Variants in DPCD observed in about 807,000 individuals in gnomAD.
The protein encoded by DPCD is deleted in primary ciliary dyskinesia homolog (mouse), also known as protein DPCD.
A neutral mutation model predicts 26.4 loss-of-function variants in DPCD; 20 were observed. The ratio of observed to expected loss-of-function variants is 0.76; its 90% CI spans 0.53 to 1.10. The LOEUF (loss-of-function observed/expected upper bound fraction) is 1.10, where lower values mean the gene tolerates loss of function less well. Among genes scored for constraint, DPCD ranks in the 50% least tolerant of loss-of-function variants. The probability of loss-of-function intolerance (pLI) is 0.00; values close to 1 mark genes in which losing one functional copy is unlikely to be tolerated. For synonymous variants in DPCD, 97 were observed against 94.2 expected, an observed-to-expected ratio of 1.03 and a Z score of -0.17; for missense variants, 202 against 253.9, an observed-to-expected ratio of 0.80 and a Z score of 1.39.
rs1554922014 is a variant in DPCD, at chr10:101,600,998, A to C, written c.270+136A>C. ...GCCACCTGGACACAGCACTCTATAA[A>C]TGTTTGTTTGAATGAATACAGACAT... On this transcript the variant is annotated intron_variant, in intron 3 of 5. Transcript: ENST00000370151. This position sits in a 1 kb window ranked among gnomAD's most constrained non-coding sequence, Gnocchi z 4.7. 2 of 1,491,268 alleles carry C rather than the reference A, an allele frequency of 1.3e-6. No individual in the cohort carries two copies. Among genetic ancestry groups the C allele is most frequent in the Admixed American group, 2.3e-5 (1 of 42,982 alleles). The allele number at this position is 1,491,268 out of a possible 1,614,324, so 92.4% of individuals were successfully genotyped here. A position where few individuals can be genotyped will look rare whatever the true frequency, so the allele number is the denominator to read the frequency against.
intron 1 of DPCD, among the ~76,000 whole-genome samples, chr10:101,591,052 A>G (rs1284911375): frequency 6.6e-6 from 1 of 152,026 alleles, no homozygotes; most frequent in East Asian, 1.9e-4. Flanking sequence ...TAAACCTCTA[A>G]ATGTTCCCTG....
intron 4 of DPCD, among the ~76,000 whole-genome samples, chr10:101,604,968 TTAAA>T (rs1376652997): frequency 4.6e-5 from 7 of 152,158 alleles, no homozygotes; most frequent in Admixed American, 3.9e-4. Context: ...GATTCTGTGG[TTAAA>T]TAAATTTAAG....
chr10:101,609,291 G>C, intron 5 of DPCD, 76 bp from the exon 6 acceptor site: 3 of 1,408,460 alleles, frequency 2.1e-6, no homozygotes, highest in Non-Finnish European at 3.0e-6. Context: ...ATCAGAAGGA[G>C]AAGGGGCCCC....
At chr10:101,598,177 G>C (rs937591517) in intron 2 of DPCD, among the ~76,000 whole-genome samples, 2 of 151,936 alleles carry the variant, frequency 1.3e-5, no homozygotes, top group African/African-American at 4.8e-5. Flanking sequence ...GTCCCTCCAG[G>C]CCACCTTGGT....
chr10:101,600,677 C>A lies in DPCD; in HGVS notation c.146-61C>A. ...GTGATTCAGCAGAAAAGAGCAGAGACCCTCTCTTCACTCTCATCCTGATGC... is the reference window on the plus strand; with the variant it reads ...GTGATTCAGCAGAAAAGAGCAGAGAACCTCTCTTCACTCTCATCCTGATGC... On this transcript the variant is annotated intron_variant, in intron 2 of 5. Transcript: ENST00000370151. This position sits in a 1 kb window ranked among gnomAD's most constrained non-coding sequence, Gnocchi z 4.7. 4 of 1,569,960 alleles carry A rather than the reference C, an allele frequency of 2.5e-6. No homozygotes were observed. The South Asian group carries it at 4.7e-5, about 18-fold the overall frequency.
chr10:101,607,005 A>G (rs913643282), intron 4 of DPCD, among the ~76,000 whole-genome samples: 1 of 152,186 alleles, frequency 6.6e-6, no homozygotes, highest in African/African-American at 2.4e-5. Context: ...GCCTGGTGGT[A>G]GGAGTAGTTC....
At chr10:101,596,573 T>A (rs1266140431) in intron 2 of DPCD, 1 of 152,176 alleles carries the variant, frequency 6.6e-6, no homozygotes, top group Non-Finnish European at 1.5e-5. Context: ...CTTTTCTTCT[T>A]ACTGTTTTTC....
chr10:101,605,165 A>G, intron 4 of DPCD: 1 of 1,549,900 alleles, frequency 6.5e-7, no homozygotes, highest in African/African-American at 1.4e-5. Flanking sequence ...GCTTCTCTGG[A>G]CCCCTCTGGC....
intron 2 of DPCD, among the ~76,000 whole-genome samples, chr10:101,597,757 C>T (rs2063664530): frequency 6.6e-6 from 1 of 152,230 alleles, no homozygotes; most frequent in Non-Finnish European, 1.5e-5. Context: ...CAGATGGAAA[C>T]AGTCTTCTGT....
intron 4 of DPCD, among the ~76,000 whole-genome samples, chr10:101,607,537 C>T (rs1249299923): frequency 6.6e-6 from 1 of 151,980 alleles, no homozygotes; most frequent in Non-Finnish European, 1.5e-5. Flanking sequence ...AGGAGAGGGG[C>T]CCCGAGAGCC....
At chr10:101,608,053 G>A (rs2063744971) in intron 4 of DPCD, among the ~76,000 whole-genome samples, 1 of 151,984 alleles carries the variant, frequency 6.6e-6, no homozygotes, top group South Asian at 2.1e-4. Context: ...CAAATTTCCT[G>A]CAAAGTCTAG....
chr10:101,603,649 C>T lies in DPCD; in HGVS notation c.404+2313C>T, dbSNP rs995734077. ...GTGCATGCCTGTAGTCCCAGCTACT[C>T]GGGAGGCTGAGGAAGGAGAATCGCT... On this transcript the variant is annotated intron_variant, in intron 4 of 5. Coordinates refer to ENST00000370151, the MANE Select transcript of DPCD (RefSeq NM_015448.3). The surrounding 1 kb of genome is among the most constrained non-coding windows in gnomAD (Gnocchi z 4.6). Among the ~76,000 whole-genome samples, 14 of 151,148 alleles carry T rather than the reference C, an allele frequency of 9.3e-5. No homozygotes were observed. The highest frequency in any genetic ancestry group is 1.7e-4 in the African/African-American group (7 of 41,022).
chr10:101,589,720 A>G (rs1293953987), intron 1 of DPCD, among the ~76,000 whole-genome samples: 1 of 152,140 alleles, frequency 6.6e-6, no homozygotes, highest in Non-Finnish European at 1.5e-5. Flanking sequence ...CATCGCTACT[A>G]AAAATACAAA....
intron 1 of DPCD, chr10:101,588,782 A>G: frequency 1.5e-6 from 1 of 666,132 alleles, no homozygotes; most frequent in Non-Finnish European, 1.9e-6. Context: ...CCTGGGCTCT[A>G]GTTCCGACTG....
chr10:101,592,204 A>G (rs2063615045), intron 1 of DPCD, among the ~76,000 whole-genome samples: 1 of 152,194 alleles, frequency 6.6e-6, no homozygotes, highest in Admixed American at 6.5e-5. Context: ...AACCACAAAG[A>G]AAGAAAATAT....
At position 101,600,993 on chromosome 10, in the gene DPCD, T is replaced by C; in HGVS notation, c.270+131T>C. On this transcript the variant is annotated intron_variant, in intron 3 of 5. Transcript: ENST00000370151. This position sits in a 1 kb window ranked among gnomAD's most constrained non-coding sequence, Gnocchi z 4.7. Reference sequence around the variant, plus strand: ...AGTGTGCCACCTGGACACAGCACTCTATAAATGTTTGTTTGAATGAATACA... The same window carrying C: ...AGTGTGCCACCTGGACACAGCACTCCATAAATGTTTGTTTGAATGAATACA... The C allele has an allele frequency of 1.3e-6, 2 of 1,497,622 alleles. No homozygotes were observed. Among genetic ancestry groups the C allele is most frequent in the Non-Finnish European group, 1.8e-6 (2 of 1,114,364 alleles). 92.8% of individuals were successfully genotyped at this position (1,497,622 alleles called of 1,614,324 possible). A position where few individuals can be genotyped will look rare whatever the true frequency, so the allele number is the denominator to read the frequency against.
intron 4 of DPCD, among the ~76,000 whole-genome samples, chr10:101,607,256 A>G (rs2134782741): frequency 6.6e-6 from 1 of 152,208 alleles, no homozygotes; most frequent in Middle Eastern, 3.4e-3. Context: ...CTCCCCTATT[A>G]TCAGTGTCTG....
intron 1 of DPCD, among the ~76,000 whole-genome samples, chr10:101,594,193 G>A (rs148600205): frequency 4.9e-4 from 74 of 152,318 alleles, no homozygotes; most frequent in African/African-American, 1.5e-3. Context: ...AGATAAATAC[G>A]ATGTCATTCA....
Position 101,608,919 on chromosome 10 carries a change from C to A in DPCD, c.489C>A (p.Asn163Lys). Residue 163 changes from asparagine to lysine, a missense_variant, in exon 5 of 6, where the codon AAC (asparagine) becomes AAA (lysine). Around this residue, in one of 3 missense-constraint regions of DPCD, gnomAD observed 118 missense variants for 145.1 expected, o/e 0.81. Coordinates refer to ENST00000370151, the MANE Select transcript of DPCD (RefSeq NM_015448.3). Reference sequence around the variant, plus strand: ...CCTTGCTGAGCTTTGCCCACGCCAACTGCACCCTGATCATCTCTGTAAGAT... The same window carrying A: ...CCTTGCTGAGCTTTGCCCACGCCAAATGCACCCTGATCATCTCTGTAAGAT... ...DDALLSFAHA[N>K]CTLIISYQKP... is the part of the protein sequence containing the mutation. 1 of 1,613,338 alleles carries A rather than the reference C, an allele frequency of 6.2e-7. No homozygotes were observed. The highest frequency in any genetic ancestry group is 8.5e-7 in the Non-Finnish European group (1 of 1,179,596).
Sources: gnomAD v4.1 joint callset for allele counts (sites outside exome capture counted in the v4.1 genomes callset) on GRCh38, gnomAD v4.1.1 for gene constraint, gnomAD v4.1.1 regional missense constraint, Gnocchi (gnomAD v3.1) non-coding constraint, MANE v1.5 for transcripts, NCBI Gene and HGNC (gene_info 2026-07-23, HGNC 2026-07-21) for gene names.